Variants in KRAS observed in about 807,000 individuals in gnomAD.
KRAS encodes the protein GTPase KRas.
KRAS carries 1 observed loss-of-function variant against 21.0 expected under a neutral mutation model. The observed-to-expected ratio is 0.05, with a 90% CI of 0.02 to 0.23. The LOEUF (loss-of-function observed/expected upper bound fraction) is 0.23, where lower values mean the gene tolerates loss of function less well. KRAS is among the 10% of genes least tolerant of loss of function. The pLI is 1.00. For synonymous variants in KRAS, 67 were observed against 72.5 expected, an observed-to-expected ratio of 0.92 and a Z score of 0.39; for missense variants, 107 against 221.8, an observed-to-expected ratio of 0.48 and a Z score of 3.29.
intron 2 of KRAS, 110 bp downstream of exon 2, chr12:25,245,164 T>C: frequency 8.4e-7 from 1 of 1,187,776 alleles, no homozygotes; most frequent in Non-Finnish European, 1.2e-6. Context: ...TAACTTAACT[T>C]TCAGCATAAT....
intron 1 of KRAS, among the ~76,000 whole-genome samples, chr12:25,249,229 C>A (rs973790215): frequency 1.3e-5 from 2 of 152,114 alleles, no homozygotes; most frequent in Admixed American, 1.3e-4. Context: ...ACCCCCGTCT[C>A]TACTAAAAAT....
At chr12:25,245,528 T>C in intron 1 of KRAS, 133 bp from the exon 2 acceptor site, 1 of 951,088 alleles carries the variant, frequency 1.1e-6, no homozygotes, top group Admixed American at 2.4e-5. Flanking sequence ...CAAAATACCT[T>C]ACAAAATTCA....
In KRAS at chr12:25,205,401, T is replaced by C. The variant is rs1224468103; in HGVS notation, c.*4394A>G. ...GAGTGGTCATTTTTAATGTTTGATA[T>C]GACCAACATTCCTAGGTCAGCGCAA... On this transcript the variant is annotated 3_prime_UTR_variant, in exon 5 of 5. Coordinates refer to ENST00000311936, the MANE Select transcript of KRAS (RefSeq NM_004985.5). 2 of 215,620 alleles carry C rather than the reference T, an allele frequency of 9.3e-6. No individual in the cohort carries two copies. The highest frequency in any genetic ancestry group is 9.4e-6 in the Non-Finnish European group (1 of 106,688). The allele number at this position is 215,620 out of a possible 1,614,324, so 13.4% of individuals were successfully genotyped here.
intron 1 of KRAS, among the ~76,000 whole-genome samples, chr12:25,248,541 G>GTA (rs1458619306): frequency 6.6e-6 from 1 of 151,656 alleles, no homozygotes; most frequent in African/African-American, 2.4e-5. Context: ...TAGAGTTTGT[G>GTA]TATATATATG....
chr12:25,222,669 C>T (rs1951342178), intron 4 of KRAS, among the ~76,000 whole-genome samples: 1 of 151,888 alleles, frequency 6.6e-6, no homozygotes, highest in Non-Finnish European at 1.5e-5. Context: ...ATATTATATA[C>T]CTTCAAAAAA....
chr12:25,211,798 G>T (rs1951202597), intron 4 of KRAS, among the ~76,000 whole-genome samples: 1 of 152,090 alleles, frequency 6.6e-6, no homozygotes, highest in Non-Finnish European at 1.5e-5. Context: ...CAAACAGTAG[G>T]ATAAAAACCA....
intron 4 of KRAS, 129 bp downstream of exon 4, chr12:25,225,485 C>G: frequency 1.0e-6 from 1 of 986,146 alleles, no homozygotes; most frequent in East Asian, 2.6e-5. Flanking sequence ...TCTCAAGAGA[C>G]AAAAACATTT....
intron 1 of KRAS, among the ~76,000 whole-genome samples, chr12:25,247,031 TAACA>T (rs778918764): frequency 6.6e-6 from 1 of 152,222 alleles, no homozygotes; most frequent in Non-Finnish European, 1.5e-5. Context: ...ACAGATTGTA[TAACA>T]AACACCATAC....
chr12:25,208,712 T>TGCATG lies in KRAS; in HGVS notation c.*1078_*1082dup, dbSNP rs1217037893. ...GTCCCTCCCCATTTTGACTAACCAA[T>TGCATG]GCATGACAACACTGGATGACCGTGG... On this transcript the variant is annotated 3_prime_UTR_variant, in exon 5 of 5. Transcript: ENST00000311936. 4.3e-6 allele frequency: 1 copy of TGCATG among 232,608 alleles called. No homozygotes were observed. Among genetic ancestry groups the TGCATG allele is most frequent in the East Asian group, 6.1e-5 (1 of 16,486 alleles). 14.4% of individuals were successfully genotyped at this position (232,608 alleles called of 1,614,324 possible). A position where few individuals can be genotyped will look rare whatever the true frequency, so the allele number is the denominator to read the frequency against.
In KRAS at chr12:25,209,158, T is replaced by C. The variant is rs1250824746; in HGVS notation, c.*637A>G. ...GAAATGGCCTTATAATAGTTTCCAT[T>C]GCCTTGTAATTTTTTTCCATTTTTT... On this transcript the variant is annotated 3_prime_UTR_variant, in exon 5 of 5. Transcript: ENST00000311936. 3.1e-6 allele frequency: 2 copies of C among 655,372 alleles called. No homozygotes were observed. The highest frequency in any genetic ancestry group is 5.5e-6 in the Non-Finnish European group (2 of 365,850). 40.6% of individuals were successfully genotyped at this position (655,372 alleles called of 1,614,324 possible). A position where few individuals can be genotyped will look rare whatever the true frequency, so the allele number is the denominator to read the frequency against.
intron 4 of KRAS, among the ~76,000 whole-genome samples, chr12:25,221,500 T>C (rs978644922): frequency 6.6e-6 from 1 of 152,072 alleles, no homozygotes; most frequent in Non-Finnish European, 1.5e-5. Context: ...TCCCACCTCA[T>C]TTCTGGGATT....
At chr12:25,224,596 A>C (rs2141503283) in intron 4 of KRAS, among the ~76,000 whole-genome samples, 2 of 152,308 alleles carry the variant, frequency 1.3e-5, no homozygotes, top group East Asian at 3.9e-4. Flanking sequence ...AGTAAGGTTA[A>C]TTTATTATTG....
At chr12:25,231,755 T>A (rs1951474525) in intron 2 of KRAS, among the ~76,000 whole-genome samples, 1 of 152,226 alleles carries the variant, frequency 6.6e-6, no homozygotes, top group African/African-American at 2.4e-5. Context: ...TCAGTATTTT[T>A]AGAGTTAATT....
intron 3 of KRAS, among the ~76,000 whole-genome samples, chr12:25,226,657 T>C (rs2141508160): frequency 6.6e-6 from 1 of 152,340 alleles, no homozygotes; most frequent in South Asian, 2.1e-4. Context: ...GCTTAATATG[T>C]AGTTTTTGGA....
chr12:25,247,933 T>C (rs80322328), intron 1 of KRAS, among the ~76,000 whole-genome samples: 659 of 152,358 alleles, frequency 4.3e-3, no homozygotes, highest in Non-Finnish European at 7.1e-3. Flanking sequence ...ATGGGCTTAT[T>C]ATTTTTAAAT....
At chr12:25,249,469 C>G (rs779070096) in intron 1 of KRAS, among the ~76,000 whole-genome samples, 4 of 145,038 alleles carry the variant, frequency 2.8e-5, no homozygotes, top group Non-Finnish European at 6.1e-5. Context: ...CGTGCACCTA[C>G]TAGTCCCAGC....
At position 25,207,286 on chromosome 12, in the gene KRAS, G is replaced by C. The variant is rs1330812152; in HGVS notation, c.*2509C>G. On this transcript the variant is annotated 3_prime_UTR_variant, in exon 5 of 5. Coordinates refer to ENST00000311936, the MANE Select transcript of KRAS (RefSeq NM_004985.5). ...AAAACAGGTTTATGAGGCCAAGGTG[G>C]GTGAATCACTTGAGGTCAGGAGTTC... 2 of 196,856 alleles carry C rather than the reference G, an allele frequency of 1.0e-5. No homozygotes were observed. The highest frequency in any genetic ancestry group is 2.1e-5 in the Non-Finnish European group (2 of 94,946). The allele number at this position is 196,856 out of a possible 1,614,324, so 12.2% of individuals were successfully genotyped here.
intron 3 of KRAS, among the ~76,000 whole-genome samples, chr12:25,226,600 C>T (rs1951395295): frequency 1.3e-5 from 2 of 152,150 alleles, no homozygotes; most frequent in Admixed American, 6.5e-5. Context: ...CTTCTTATAA[C>T]TAGGCTAACT....
At chr12:25,215,423 G>C (rs1951242729) in intron 4 of KRAS, 1 of 1,612,996 alleles carries the variant, frequency 6.2e-7, no homozygotes, top group Non-Finnish European at 8.5e-7. Context: ...TTAATGTGCT[G>C]AACTTAAACT....
Sources: gnomAD v4.1 joint callset for allele counts (sites outside exome capture counted in the v4.1 genomes callset) on GRCh38, gnomAD v4.1.1 for gene constraint, MANE v1.5 for transcripts, NCBI Gene and HGNC (gene_info 2026-07-23, HGNC 2026-07-21) for gene names.